CELF4: variants seen among roughly 807,000 people sequenced by gnomAD.
CELF4 encodes the protein CUGBP Elav-like family member 4.
CELF4 carries 18 observed loss-of-function variants against 59.9 expected under a neutral mutation model. That is an observed-to-expected ratio of 0.30 (90% CI 0.21 to 0.45). The LOEUF is 0.45. Ranked by LOEUF, CELF4 falls within the 20% of genes least tolerant of loss-of-function variation. CELF4 has a pLI of 1.00. For missense variants in CELF4, 456 were observed against 689.0 expected (o/e 0.66, Z 3.79); for synonymous variants, 261 against 267.1 (o/e 0.98, Z 0.22).
intron 2 of CELF4, among the ~76,000 whole-genome samples, chr18:37,331,583 T>C (rs1165672218): frequency 1.3e-5 from 2 of 151,992 alleles, no homozygotes; most frequent in Non-Finnish European, 2.9e-5. Flanking sequence ...GCTGGGGGTG[T>C]GCACTCGGGT....
At chr18:37,322,744 G>A (rs990109747) in intron 2 of CELF4, among the ~76,000 whole-genome samples, 4 of 152,210 alleles carry the variant, frequency 2.6e-5, no homozygotes, top group African/African-American at 9.6e-5. Context: ...GGAGGATCAC[G>A]CCAGCGGATT....
intron 1 of CELF4, among the ~76,000 whole-genome samples, chr18:37,513,901 T>C (rs184197456): frequency 6.6e-6 from 1 of 152,090 alleles, no homozygotes; most frequent in Admixed American, 6.5e-5. Flanking sequence ...GATGGGTCCA[T>C]GAGGCCCTAA....
At chr18:37,260,921 C>T (rs2073922188) in intron 10 of CELF4, among the ~76,000 whole-genome samples, 1 of 152,140 alleles carries the variant, frequency 6.6e-6, no homozygotes, top group Non-Finnish European at 1.5e-5. Flanking sequence ...CACAAACATG[C>T]TCCCTCACCC....
At chr18:37,249,634 G>A (rs1019363743) in intron 12 of CELF4, among the ~76,000 whole-genome samples, 1 of 152,124 alleles carries the variant, frequency 6.6e-6, no homozygotes, top group Non-Finnish European at 1.5e-5. Flanking sequence ...GCTGGCTACT[G>A]TCTTCATTAG....
At chr18:37,271,840 C>T (rs1254937486) in intron 7 of CELF4, among the ~76,000 whole-genome samples, 1 of 152,098 alleles carries the variant, frequency 6.6e-6, no homozygotes, top group African/African-American at 2.4e-5. Context: ...ATGACAATAC[C>T]CTGTGTCCTC....
chr18:37,271,593 C>T (rs890327885), intron 7 of CELF4, among the ~76,000 whole-genome samples: 3 of 152,176 alleles, frequency 2.0e-5, no homozygotes. Context: ...CTCTCTTCAG[C>T]TAAGGCTGGA....
Position 37,322,307 on chromosome 18 carries a change from G to C in CELF4, c.370-426C>G, listed in dbSNP as rs190056514. ...GGAAATGAGCTGGTCACTGGCTGCA[G>C]ATGGACCCCACCCAGGCCAGGGCAT... On this transcript the variant is annotated intron_variant, in intron 2 of 12. Transcript: ENST00000420428. Among the ~76,000 whole-genome samples the C allele has an allele frequency of 6.5e-4, 99 of 152,358 alleles. 2 individuals are homozygous for C. Among genetic ancestry groups the C allele is most frequent in the Admixed American group, 3.3e-3 (51 of 15,310 alleles).
chr18:37,263,875 G>A (rs904967039), intron 10 of CELF4, among the ~76,000 whole-genome samples: 1 of 152,068 alleles, frequency 6.6e-6, no homozygotes. Flanking sequence ...CACAGCTCCT[G>A]TGGGTGATAA....
At chr18:37,332,604 G>T (rs2097582026) in intron 2 of CELF4, among the ~76,000 whole-genome samples, 1 of 152,180 alleles carries the variant, frequency 6.6e-6, no homozygotes, top group Admixed American at 6.5e-5. Context: ...AAACAAAAGA[G>T]GTGCCCCTCA....
intron 1 of CELF4, among the ~76,000 whole-genome samples, chr18:37,518,494 A>C (rs1485103110): frequency 6.6e-6 from 1 of 152,158 alleles, no homozygotes; most frequent in Non-Finnish European, 1.5e-5. Flanking sequence ...GGAGTCAGGG[A>C]GAGAAAACAA....
At position 37,374,986 on chromosome 18, in the gene CELF4, G is replaced by T. The variant is rs114190095; in HGVS notation, c.370-53105C>A. On this transcript the variant is annotated intron_variant, in intron 2 of 12. Coordinates refer to ENST00000420428, the MANE Select transcript of CELF4 (RefSeq NM_020180.4). ...GCATGAGTGTGTTTCTGTCTGTGTC[G>T]TGCGGTCTGCCTGTGGTGTGTCGGC... Among the ~76,000 whole-genome samples the T allele has an allele frequency of 6.8e-3, 1,028 of 152,294 alleles. 15 individuals carry two copies. Among genetic ancestry groups the T allele is most frequent in the Admixed American group, 0.03 (454 of 15,294 alleles).
chr18:37,500,382 C>T (rs1173163157), intron 1 of CELF4, among the ~76,000 whole-genome samples: 5 of 152,020 alleles, frequency 3.3e-5, no homozygotes, highest in Non-Finnish European at 7.4e-5. Context: ...AGACCCAGAC[C>T]CAGGCTTAGT....
intron 2 of CELF4, among the ~76,000 whole-genome samples, chr18:37,403,319 G>A (rs1483251390): frequency 6.6e-6 from 1 of 152,160 alleles, no homozygotes; most frequent in Non-Finnish European, 1.5e-5. Context: ...AAGAGGAGCA[G>A]CCGCTTCAAA....
chr18:37,266,366 AC>A, intron 9 of CELF4, 166 bp downstream of exon 9: 4 of 729,202 alleles, frequency 5.5e-6, no homozygotes, highest in East Asian at 2.7e-5. Flanking sequence ...TGGCCCGCTG[AC>A]AAGAAGGCAG....
At chr18:37,458,469 G>T (rs2099784774) in intron 2 of CELF4, among the ~76,000 whole-genome samples, 1 of 152,314 alleles carries the variant, frequency 6.6e-6, no homozygotes, top group East Asian at 1.9e-4. Flanking sequence ...GTACTGCATG[G>T]CCAGGTATTT....
intron 4 of CELF4, 85 bp downstream of exon 4, chr18:37,275,030 G>C (rs1052332278): frequency 1.9e-5 from 29 of 1,553,456 alleles, no homozygotes; most frequent in Middle Eastern, 1.9e-4. Context: ...GACGGCGATG[G>C]CCCCGGAGAC....
intron 2 of CELF4, among the ~76,000 whole-genome samples, chr18:37,389,052 C>T (rs1425453284): frequency 6.6e-6 from 1 of 152,126 alleles, no homozygotes; most frequent in Admixed American, 6.5e-5. Context: ...GGGAGTTAGC[C>T]CCCACCCCAA....
intron 1 of CELF4, among the ~76,000 whole-genome samples, chr18:37,539,468 CACAA>C (rs548733095): frequency 0.11 from 12,739 of 111,484 alleles, 1,044 homozygotes; most frequent in African/African-American, 0.33. Context: ...CACACACACA[CACAA>C]ACACACACAC....
At chr18:37,402,368 TG>T (rs1270137947) in intron 2 of CELF4, among the ~76,000 whole-genome samples, 11 of 152,330 alleles carry the variant, frequency 7.2e-5, no homozygotes, top group African/African-American at 2.6e-4. Context: ...TGCACCTGCC[TG>T]GAACATATAC....
Sources: gnomAD v4.1 joint callset for allele counts (sites outside exome capture counted in the v4.1 genomes callset) on GRCh38, gnomAD v4.1.1 for gene constraint, MANE v1.5 for transcripts, NCBI Gene and HGNC (gene_info 2026-07-23, HGNC 2026-07-21) for gene names.